GRK5: variants seen among roughly 807,000 people sequenced by gnomAD.
The protein encoded by GRK5 is g protein-coupled receptor kinase GRK5.
Under a neutral mutation model 78.4 loss-of-function variants are expected in GRK5, and 40 were observed. The observed-to-expected ratio is 0.51, with a 90% confidence interval of 0.40 to 0.66. The LOEUF is 0.66. Ranked by LOEUF, GRK5 falls within the 30% of genes least tolerant of loss-of-function variation. GRK5 has a pLI of 0.00. For synonymous variants in GRK5, 289 were observed against 296.8 expected (o/e 0.97, Z 0.27); for missense variants, 598 against 759.9 (o/e 0.79, Z 2.50).
chr10:119,355,976 CTAAGA>C (rs1851257804), intron 2 of GRK5, among the ~76,000 whole-genome samples: 1 of 152,154 alleles, frequency 6.6e-6, no homozygotes, highest in Non-Finnish European at 1.5e-5. Context: ...TTTTTTCACT[CTAAGA>C]TAACTCAAGA....
At chr10:119,360,725 T>TG (rs1282033198) in intron 2 of GRK5, among the ~76,000 whole-genome samples, 1 of 152,158 alleles carries the variant, frequency 6.6e-6, no homozygotes, top group Non-Finnish European at 1.5e-5. Flanking sequence ...TAGGAGAAGA[T>TG]GGTCTGTCCG....
Position 119,428,987 on chromosome 10 carries a change from C to T in GRK5, c.534-1388C>T, listed in dbSNP as rs1487708160. Reference sequence around the variant, plus strand: ...ATGCATCGTAAACTGTTAGGCGGGCCGCCTTCATGTGGTTTCCGGGGGCGG... The same window carrying T: ...ATGCATCGTAAACTGTTAGGCGGGCTGCCTTCATGTGGTTTCCGGGGGCGG... On this transcript the variant is annotated intron_variant, in intron 6 of 15. Transcript: ENST00000392870. Among the ~76,000 whole-genome samples the T allele has an allele frequency of 3.3e-5, 5 of 152,344 alleles. No homozygotes were observed. In the East Asian group the frequency reaches 5.8e-4, roughly 18 times the overall value.
intron 2 of GRK5, among the ~76,000 whole-genome samples, chr10:119,348,481 C>T (rs1470306508): frequency 1.3e-5 from 2 of 152,226 alleles, no homozygotes; most frequent in Non-Finnish European, 2.9e-5. Context: ...GAGCCTTGTT[C>T]CTCCTCTCTG....
chr10:119,421,955 T>C (rs76208362), intron 4 of GRK5, among the ~76,000 whole-genome samples: 15,856 of 152,190 alleles, frequency 0.1, 1,016 homozygotes, highest in Middle Eastern at 0.2. Flanking sequence ...CCCCCAGGGA[T>C]TGACACCCCC....
Position 119,452,593 on chromosome 10 carries a change from CA to C in GRK5, c.1405-74del. 1 of 1,573,448 alleles carries C rather than the reference CA, an allele frequency of 6.4e-7. No homozygotes were observed. On this transcript the variant is annotated intron_variant, in intron 13 of 15. Transcript: ENST00000392870. The surrounding 1 kb of genome is among the most constrained non-coding windows in gnomAD (Gnocchi z 4.4). ...CCTGGGAAGACTCCCTTCTGCTCCC[CA>C]AAACCCCAAGGCCTGGCTCGGGGCC...
chr10:119,226,695 C>G (rs1848747332), intron 1 of GRK5, among the ~76,000 whole-genome samples: 1 of 151,554 alleles, frequency 6.6e-6, no homozygotes, highest in Non-Finnish European at 1.5e-5. Context: ...CAGGCGCCTG[C>G]TACCATGCCC....
intron 2 of GRK5, among the ~76,000 whole-genome samples, chr10:119,329,837 G>A (rs550739227): frequency 4.0e-5 from 6 of 149,832 alleles, no homozygotes; most frequent in South Asian, 2.1e-4. Flanking sequence ...TGGTTCACAC[G>A]CCAGCAACGC....
At chr10:119,283,412 C>T (rs937079316) in intron 1 of GRK5, among the ~76,000 whole-genome samples, 2 of 152,134 alleles carry the variant, frequency 1.3e-5, no homozygotes, top group African/African-American at 2.4e-5. Flanking sequence ...TAACCTGCAC[C>T]CCTCCAAGCC....
chr10:119,395,512 G>C (rs1440259013), intron 3 of GRK5, among the ~76,000 whole-genome samples: 2 of 152,180 alleles, frequency 1.3e-5, no homozygotes, highest in African/African-American at 4.8e-5. Context: ...TTTTGAAATA[G>C]CTGTACTTTT....
intron 10 of GRK5, among the ~76,000 whole-genome samples, chr10:119,441,748 T>A (rs1165980564): frequency 6.6e-6 from 1 of 152,168 alleles, no homozygotes; most frequent in African/African-American, 2.4e-5. Flanking sequence ...TCGGTCAACG[T>A]CCAGCCGGGT....
chr10:119,409,474 TGTGTGCATA>T (rs1233892215), intron 4 of GRK5, among the ~76,000 whole-genome samples: 1 of 152,154 alleles, frequency 6.6e-6, no homozygotes, highest in African/African-American at 2.4e-5. Context: ...GTCCTTAATG[TGTGTGCATA>T]GTGTTTCCTG....
chr10:119,243,067 T>C (rs1446293699), intron 1 of GRK5, among the ~76,000 whole-genome samples: 3 of 152,182 alleles, frequency 2.0e-5, no homozygotes, highest in African/African-American at 7.2e-5. Flanking sequence ...GATGAAACCC[T>C]GTCTCTACTA....
At chr10:119,374,199 G>A (rs1383167848) in intron 2 of GRK5, among the ~76,000 whole-genome samples, 1 of 152,218 alleles carries the variant, frequency 6.6e-6, no homozygotes, top group Non-Finnish European at 1.5e-5. Context: ...TTGAGAAGGG[G>A]CTTAGAGGTT....
At chr10:119,340,104 G>GT (rs1364002298) in intron 2 of GRK5, among the ~76,000 whole-genome samples, 10 of 150,916 alleles carry the variant, frequency 6.6e-5, no homozygotes, top group African/African-American at 9.9e-5. Context: ...TTAAAGTGTG[G>GT]TTTTTTTGTT....
intron 1 of GRK5, among the ~76,000 whole-genome samples, chr10:119,259,065 C>CTTTTTT (rs397950981): frequency 9.2e-5 from 12 of 130,174 alleles, no homozygotes; most frequent in African/African-American, 2.6e-4. Flanking sequence ...CTTTCTTTTT[C>CTTTTTT]TTTTTTTTTT....
At chr10:119,346,241 C>G (rs916628704) in intron 2 of GRK5, among the ~76,000 whole-genome samples, 5 of 152,208 alleles carry the variant, frequency 3.3e-5, no homozygotes, top group Non-Finnish European at 5.9e-5. Flanking sequence ...AATGATGAGG[C>G]AGCATCGCCG....
intron 1 of GRK5, among the ~76,000 whole-genome samples, chr10:119,232,504 G>C (rs1749258325): frequency 6.6e-6 from 1 of 152,218 alleles, no homozygotes; most frequent in Non-Finnish European, 1.5e-5. Flanking sequence ...TGGTTTGGCT[G>C]TGTTCCCACC....
intron 12 of GRK5, 103 bp from the exon 13 acceptor site, chr10:119,448,020 C>T (rs543165997): frequency 4.1e-5 from 56 of 1,353,484 alleles, no homozygotes; most frequent in Non-Finnish European, 5.1e-5. Flanking sequence ...GGTGGGGCAG[C>T]GTGTCTTGGG....
intron 1 of GRK5, among the ~76,000 whole-genome samples, chr10:119,219,574 G>A (rs1564852486): frequency 6.6e-6 from 1 of 152,128 alleles, no homozygotes; most frequent in Non-Finnish European, 1.5e-5. Flanking sequence ...CTCAAGAAAT[G>A]GCCTTGGGGT....
Sources: gnomAD v4.1 joint callset for allele counts (sites outside exome capture counted in the v4.1 genomes callset) on GRCh38, gnomAD v4.1.1 for gene constraint, Gnocchi (gnomAD v3.1) non-coding constraint, MANE v1.5 for transcripts, NCBI Gene and HGNC (gene_info 2026-07-23, HGNC 2026-07-21) for gene names.